ADORA2A: variants seen among roughly 807,000 people sequenced by gnomAD.
The protein encoded by ADORA2A is adenosine receptor A2a.
ADORA2A carries 11 observed loss-of-function variants against 18.4 expected under a neutral mutation model. That is an observed-to-expected ratio of 0.60 (90% CI 0.38 to 0.99). The LOEUF is 0.99. Ranked by LOEUF, ADORA2A falls within the 50% of genes least tolerant of loss-of-function variation. The pLI is 0.01. For synonymous variants in ADORA2A, 218 were observed against 237.3 expected (o/e 0.92, Z 0.75); for missense variants, 449 against 556.1 (o/e 0.81, Z 1.94).
In ADORA2A at chr22:24,441,267, C is replaced by T. The variant is rs759832709; in HGVS notation, c.1017C>T (p.Asn339=). 1.6e-5 allele frequency: 26 copies of T among 1,612,866 alleles called. No homozygotes were observed. Among genetic ancestry groups the T allele is most frequent in the South Asian group, 7.7e-5 (7 of 91,042 alleles). The change falls in exon 3 of 3, where the codon AAC becomes AAT. Residue 339 remains asparagine (N), a synonymous_variant. Coordinates refer to ENST00000337539, the MANE Select transcript of ADORA2A (RefSeq NM_000675.6). The part of the protein sequence containing the change: ...SDGEQVSLRL[N]GHPPGVWANG... ...GAGAGCAGGTCAGCCTCCGTCTCAACGGCCACCCGCCAGGAGTGTGGGCCA... is the reference window on the plus strand; with the variant it reads ...GAGAGCAGGTCAGCCTCCGTCTCAATGGCCACCCGCCAGGAGTGTGGGCCA...
intron 1 of ADORA2A, 106 bp downstream of exon 1, chr22:24,427,852 C>T (rs1048467443): frequency 6.6e-6 from 1 of 152,372 alleles, no homozygotes; most frequent in Non-Finnish European, 1.5e-5. Context: ...CAGCACTGGC[C>T]CCGGGGCTGC....
At chr22:24,439,871 C>G (rs911073544) in intron 2 of ADORA2A, among the ~76,000 whole-genome samples, 2 of 152,258 alleles carry the variant, frequency 1.3e-5, no homozygotes, top group East Asian at 3.9e-4. Flanking sequence ...ACAAGTAATT[C>G]TCTCATTTCT....
intron 2 of ADORA2A, among the ~76,000 whole-genome samples, chr22:24,439,072 CTTTTTTTTTTTT>C (rs3032740): frequency 2.3e-4 from 17 of 73,104 alleles, no homozygotes; most frequent in Non-Finnish European, 3.5e-4. Context: ...CCCCTTGCAC[CTTTTTTTTTTTT>C]TTTTTTTTTT....
chr22:24,434,369 T>C (rs959378078), intron 2 of ADORA2A, among the ~76,000 whole-genome samples: 3 of 152,244 alleles, frequency 2.0e-5, no homozygotes, highest in Non-Finnish European at 4.4e-5. Flanking sequence ...AGGCAGCCAG[T>C]GTGCTCAGGG....
rs147072171 is a variant in ADORA2A, at chr22:24,440,798, T to C, written c.548T>C (p.Phe183Ser). 1 of 1,614,220 alleles carries C rather than the reference T, an allele frequency of 6.2e-7. No homozygotes were observed. The highest frequency in any genetic ancestry group is 8.5e-7 in the Non-Finnish European group (1 of 1,180,038). ...AACTACATGGTGTACTTCAACTTCTTTGCCTGTGTGCTGGTGCCCCTGCTG... is the reference window on the plus strand; with the variant it reads ...AACTACATGGTGTACTTCAACTTCTCTGCCTGTGTGCTGGTGCCCCTGCTG... ...PMNYMVYFNF[F>S]ACVLVPLLLM... Residue 183 changes from phenylalanine (F) to serine (S), a missense_variant, in exon 3 of 3, where the codon TTT becomes TCT. Coordinates refer to ENST00000337539, the MANE Select transcript of ADORA2A (RefSeq NM_000675.6).
chr22:24,428,062 G>A (rs1028144554), intron 1 of ADORA2A, among the ~76,000 whole-genome samples: 2 of 152,200 alleles, frequency 1.3e-5, no homozygotes, highest in Non-Finnish European at 2.9e-5. Flanking sequence ...AAGGGCCACC[G>A]GGCAGCCCCG....
At chr22:24,424,313 G>C (rs1409073992), upstream of ADORA2A, 2 of 152,326 alleles carry the variant, frequency 1.3e-5, no homozygotes, top group Admixed American at 1.3e-4. The surrounding 1 kb of genome is among the most constrained non-coding windows in gnomAD (Gnocchi z 4.9). Flanking sequence ...AGGCAAGTGC[G>C]GCGGCCGGCG....
At position 24,433,719 on chromosome 22, in the gene ADORA2A, C is replaced by T. The variant is rs1254694421; in HGVS notation, c.315C>T (p.Ala105=). 4 of 1,607,124 alleles carry T rather than the reference C, an allele frequency of 2.5e-6. No individual in the cohort carries two copies. The highest frequency in any genetic ancestry group is 3.4e-6 in the Non-Finnish European group (4 of 1,179,862). ...CCATCGCCATTGACCGCTACATTGCCATCCGCATCCCGCTCCGGTGAGCAG... is the reference window on the plus strand; with the variant it reads ...CCATCGCCATTGACCGCTACATTGCTATCCGCATCCCGCTCCGGTGAGCAG... ...LLAIAIDRYI[A]IRIPLRYNGL... is the part of the protein sequence containing the mutation. Residue 105 remains alanine, a synonymous_variant, in exon 2 of 3, where the codon GCC becomes GCT. Coordinates refer to ENST00000337539, the MANE Select transcript of ADORA2A (RefSeq NM_000675.6).
chr22:24,435,172 A>G (rs549036018), intron 2 of ADORA2A, among the ~76,000 whole-genome samples: 6 of 152,216 alleles, frequency 3.9e-5, no homozygotes, highest in Admixed American at 3.9e-4. Flanking sequence ...CAGCCCTGAG[A>G]GGGGTGGAAT....
chr22:24,427,260 C>T (rs1287306714), upstream of ADORA2A, among the ~76,000 whole-genome samples: 1 of 152,158 alleles, frequency 6.6e-6, no homozygotes, highest in Non-Finnish European at 1.5e-5. Context: ...CCAGGCTCTG[C>T]TTGGTCACCC....
At chr22:24,423,881 G>T (rs1186057199), upstream of ADORA2A, 2 of 152,108 alleles carry the variant, frequency 1.3e-5, no homozygotes, top group African/African-American at 4.8e-5. Flanking sequence ...GCCTGCAGGG[G>T]GCGCCCGTGA....
intron 2 of ADORA2A, among the ~76,000 whole-genome samples, chr22:24,434,720 G>A (rs2146896428): frequency 6.6e-6 from 1 of 152,364 alleles, no homozygotes; most frequent in African/African-American, 2.4e-5. Flanking sequence ...CCTATCTAAA[G>A]AGGAAGCCAC....
Position 24,433,461 on chromosome 22 carries a change from G to A in ADORA2A, c.57G>A (p.Leu19=), listed in dbSNP as rs772045990. 1.7e-5 allele frequency: 28 copies of A among 1,613,968 alleles called. No individual in the cohort carries two copies. The East Asian group carries it at 6.0e-4, about 35-fold the overall frequency. Reference sequence around the variant, plus strand: ...CGGTGGAGCTGGCCATTGCTGTGCTGGCCATCCTGGGCAATGTGCTGGTGT... The same window carrying A: ...CGGTGGAGCTGGCCATTGCTGTGCTAGCCATCCTGGGCAATGTGCTGGTGT... ...YITVELAIAV[L]AILGNVLVCW... Residue 19 remains leucine (L), a synonymous_variant, in exon 2 of 3, where the codon CTG becomes CTA. Coordinates refer to ENST00000337539, the MANE Select transcript of ADORA2A (RefSeq NM_000675.6).
chr22:24,433,168 G>A lies in ADORA2A; in HGVS notation c.-237G>A. Reference sequence around the variant, plus strand: ...CCCTGAAGCTGGGCTGAGCCATGATGCTGCTGCCAGAACCCCTGCAGAGGG... The same window carrying A: ...CCCTGAAGCTGGGCTGAGCCATGATACTGCTGCCAGAACCCCTGCAGAGGG... On this transcript the variant is annotated 5_prime_UTR_variant, in exon 2 of 3. It removes an upstream start codon present in the reference 5' UTR. Coordinates refer to ENST00000337539, the MANE Select transcript of ADORA2A (RefSeq NM_000675.6). 1.7e-6 allele frequency: 1 copy of A among 585,646 alleles called. No homozygotes were observed. The highest frequency in any genetic ancestry group is 3.0e-6 in the Non-Finnish European group (1 of 328,352). The allele number at this position is 585,646 out of a possible 1,614,324, so 36.3% of individuals were successfully genotyped here.
intron 2 of ADORA2A, 87 bp from the exon 3 acceptor site, chr22:24,440,496 G>A: frequency 7.5e-7 from 1 of 1,338,860 alleles, no homozygotes; most frequent in Non-Finnish European, 1.0e-6. Context: ...AGGAAATGTG[G>A]AAACGGGTGC....
intron 1 of ADORA2A, chr22:24,431,604 T>C (rs996219088): frequency 9.5e-6 from 4 of 420,076 alleles, no homozygotes; most frequent in African/African-American, 6.1e-5. Context: ...CGAGTCCACG[T>C]GAAAGGCAGC....
chr22:24,426,694 A>G (rs2042922214), upstream of ADORA2A, among the ~76,000 whole-genome samples: 1 of 152,170 alleles, frequency 6.6e-6, no homozygotes, highest in Non-Finnish European at 1.5e-5. Flanking sequence ...CCTGGACTCC[A>G]TGGATCTGGC....
chr22:24,425,697 T>A (rs558324049), upstream of ADORA2A, among the ~76,000 whole-genome samples: 1 of 152,326 alleles, frequency 6.6e-6, no homozygotes, highest in Admixed American at 6.5e-5. Flanking sequence ...GATCCCCAAA[T>A]ATGCCCTGCG....
At chr22:24,440,007 G>C (rs982395371) in intron 2 of ADORA2A, among the ~76,000 whole-genome samples, 2 of 152,068 alleles carry the variant, frequency 1.3e-5, no homozygotes, top group African/African-American at 4.8e-5. Context: ...AAGTCAAATG[G>C]CAAATGGGGA....
Sources: allele counts gnomAD v4.1 joint callset (sites outside exome capture counted in the v4.1 genomes callset), GRCh38; gene constraint gnomAD v4.1.1; non-coding constraint Gnocchi (gnomAD v3.1); transcripts MANE v1.5; gene names NCBI Gene and HGNC (gene_info 2026-07-23, HGNC 2026-07-21).